Variants in CBLL1 observed in about 807,000 individuals in gnomAD.
CBLL1 encodes the protein Cbl proto-oncogene like 1.
In CBLL1, 4 loss-of-function variants were observed where a neutral mutation model predicts 44.9. The observed-to-expected ratio is 0.09, with a 90% CI of 0.04 to 0.20. The LOEUF (loss-of-function observed/expected upper bound fraction) is 0.20. Among genes scored for constraint, CBLL1 ranks in the 10% least tolerant of loss-of-function variants. The probability of loss-of-function intolerance (pLI) is 1.00; values close to 1 mark genes in which losing one functional copy is unlikely to be tolerated. For missense variants in CBLL1, 569 were observed against 636.7 expected (o/e 0.89, Z 1.14); for synonymous variants, 235 against 202.2 (o/e 1.16, Z -1.38).
chr7:107,755,453 T>C lies in CBLL1; in HGVS notation c.402T>C (p.Ala134=). The C allele has an allele frequency of 6.3e-7, 1 of 1,590,302 alleles. No individual in the cohort carries two copies. Reference sequence around the variant, plus strand: ...AGCATGTTTTTTGCTATGACTGTGCTATTTTACATGAAAAAAAGGGAGATA... The same window carrying C: ...AGCATGTTTTTTGCTATGACTGTGCCATTTTACATGAAAAAAAGGGAGATA... ...PCKHVFCYDC[A]ILHEKKGDKM... Residue 134 remains alanine (A), a synonymous_variant, in exon 5 of 6, where the codon GCT becomes GCC. Coordinates refer to ENST00000440859, the MANE Select transcript of CBLL1 (RefSeq NM_024814.4).
Position 107,755,477 on chromosome 7 carries a change from T to C in CBLL1, c.426T>C (p.Asp142=). ...CTATTTTACATGAAAAAAAGGGAGA[T>C]AAGATGTGTCCAGGGTAAGATAAGA... ...DCAILHEKKG[D]KMCPGCSDPV... Residue 142 remains aspartate, a synonymous_variant, in exon 5 of 6, where the codon GAT becomes GAC. Transcript: ENST00000440859. 1 of 1,577,768 alleles carries C rather than the reference T, an allele frequency of 6.3e-7. No homozygotes were observed. Among genetic ancestry groups the C allele is most frequent in the South Asian group, 1.1e-5 (1 of 87,102 alleles).
rs1562869178 is a variant in CBLL1, at chr7:107,761,027, G to A, written c.*1849G>A. On this transcript the variant is annotated 3_prime_UTR_variant, in exon 6 of 6. Transcript: ENST00000440859. ...ATGGGAGTGATAGTGTGAAATGGTG[G>A]TGAGTGCTTCTATCATATTACTGTA... 1 of 152,226 alleles carries A rather than the reference G, an allele frequency of 6.6e-6. No individual in the cohort carries two copies. Among genetic ancestry groups the A allele is most frequent in the Non-Finnish European group, 1.5e-5 (1 of 67,922 alleles). 9.4% of individuals were successfully genotyped at this position (152,226 alleles called of 1,614,324 possible). A position where few individuals can be genotyped will look rare whatever the true frequency, so the allele number is the denominator to read the frequency against.
intron 4 of CBLL1, 34 bp from the exon 5 acceptor site, chr7:107,755,384 A>G (rs1038813116): frequency 8.0e-7 from 1 of 1,248,750 alleles, no homozygotes; most frequent in Non-Finnish European, 1.1e-6. Flanking sequence ...TATAAGTTCT[A>G]ATATGCTTAA....
In CBLL1 at chr7:107,758,789, G is replaced by C; in HGVS notation, c.1087G>C (p.Gly363Arg). ...AATGCCACATCCTCCCCAGGCTGCA[G>C]GTACTCCTCACTTGGTATATAGCCA... The part of the protein sequence containing the change: ...HPMPHPPQAA[G>R]TPHLVYSQAP... The change falls in exon 6 of 6, where the codon GGT becomes CGT. Residue 363 changes from glycine (G) to arginine (R), a missense_variant. Physicochemically the swap from Gly to Arg is moderately radical, Grantham distance 125. This residue lies in a region of CBLL1 where 228 missense variants were observed against 253.2 expected (regional missense o/e 0.90). Transcript: ENST00000440859. This position sits in a 1 kb window ranked among gnomAD's most constrained non-coding sequence, Gnocchi z 4.2. 6.2e-7 allele frequency: 1 copy of C among 1,613,196 alleles called. No individual in the cohort carries two copies. Among genetic ancestry groups the C allele is most frequent in the Non-Finnish European group, 8.5e-7 (1 of 1,179,746 alleles).
At chr7:107,748,000 G>T (rs1257527027) in intron 1 of CBLL1, among the ~76,000 whole-genome samples, 1 of 152,112 alleles carries the variant, frequency 6.6e-6, no homozygotes, top group Non-Finnish European at 1.5e-5. Flanking sequence ...AGTAGGTCAA[G>T]TTAAATATTT....
In CBLL1 at chr7:107,753,411, A is replaced by G. The variant is rs201049549; in HGVS notation, c.182A>G (p.Glu61Gly). ...ATGGGCAATACTTTTTTTTTCTCAG[A>G]AGGATTTGATTATAATGAAGAAGAA... ...MPAKAPPGDEEGFDYNEEERY... is the reference protein window; with the variant it reads ...MPAKAPPGDEGGFDYNEEERY... The change falls in exon 3 of 6, where the codon GAA becomes GGA. Residue 61 changes from glutamate to glycine, a missense_variant and splice_region_variant. This residue lies in a region of CBLL1 where 209 missense variants were observed against 202.8 expected (regional missense o/e 1.03). Transcript: ENST00000440859. 7.0e-5 allele frequency: 109 copies of G among 1,559,954 alleles called. 1 individual carries two copies. The East Asian group carries it at 2.6e-3, about 37-fold the overall frequency.
In CBLL1 at chr7:107,751,284, G is replaced by T. The variant is rs548982920; in HGVS notation, c.182-2127G>T. On this transcript the variant is annotated intron_variant, in intron 2 of 5. Coordinates refer to ENST00000440859, the MANE Select transcript of CBLL1 (RefSeq NM_024814.4). ...AATGAGGCTGCTGATCTGACGGGAGGCGGAGGCAGAGGTCAAGTGGTAATG... is the reference window on the plus strand; with the variant it reads ...AATGAGGCTGCTGATCTGACGGGAGTCGGAGGCAGAGGTCAAGTGGTAATG... Among the ~76,000 whole-genome samples the T allele has an allele frequency of 1.5e-4, 23 of 152,316 alleles. No homozygotes were observed. In the South Asian group the frequency reaches 4.8e-3, roughly 32 times the overall value.
In CBLL1 at chr7:107,755,443, A is replaced by G. The variant is rs773864028; in HGVS notation, c.392A>G (p.Tyr131Cys). ...RMIPCKHVFC[Y>C]DCAILHEKKG... ...ATTCCATGCAAGCATGTTTTTTGCT[A>G]TGACTGTGCTATTTTACATGAAAAA... Residue 131 changes from tyrosine to cysteine, a missense_variant, in exon 5 of 6, where the codon TAT becomes TGT. Coordinates refer to ENST00000440859, the MANE Select transcript of CBLL1 (RefSeq NM_024814.4). 1.9e-6 allele frequency: 3 copies of G among 1,585,330 alleles called. No homozygotes were observed. Among genetic ancestry groups the G allele is most frequent in the African/African-American group, 2.7e-5 (2 of 73,320 alleles).
chr7:107,755,530 G>C (rs1255889042), intron 5 of CBLL1, 39 bp downstream of exon 5: 3 of 1,192,478 alleles, frequency 2.5e-6, no homozygotes, highest in Non-Finnish European at 2.4e-6. Context: ...AAATAATAAA[G>C]TTTTAGTGCA....
intron 1 of CBLL1, chr7:107,744,423 A>G: frequency 4.5e-6 from 2 of 443,526 alleles, no homozygotes; most frequent in African/African-American, 2.0e-5. Flanking sequence ...CTGAGCTCCG[A>G]GCCCGGACCA....
At chr7:107,746,894 A>G (rs2115586694) in intron 1 of CBLL1, among the ~76,000 whole-genome samples, 1 of 150,502 alleles carries the variant, frequency 6.6e-6, no homozygotes, top group South Asian at 2.1e-4. Context: ...ATTTTGTAAA[A>G]TATTTATTGG....
intron 1 of CBLL1, among the ~76,000 whole-genome samples, chr7:107,745,418 G>A (rs1481788785): frequency 6.6e-6 from 1 of 152,216 alleles, no homozygotes; most frequent in Non-Finnish European, 1.5e-5. Context: ...AGTGAAGTCA[G>A]CTGCAGCCTC....
In CBLL1 at chr7:107,760,490, C is replaced by T. The variant is rs553200841; in HGVS notation, c.*1312C>T. ...TTTCAGTGCTTTACATGGTGCCTTT[C>T]GAGTCAGCTTTTACATTATAGGGGC... On this transcript the variant is annotated 3_prime_UTR_variant, in exon 6 of 6. Coordinates refer to ENST00000440859, the MANE Select transcript of CBLL1 (RefSeq NM_024814.4). The T allele has an allele frequency of 1.9e-4, 29 of 152,248 alleles. No homozygotes were observed. Among genetic ancestry groups the T allele is most frequent in the Non-Finnish European group, 4.0e-4 (27 of 67,922 alleles). 9.4% of individuals were successfully genotyped at this position (152,248 alleles called of 1,614,324 possible). A position where few individuals can be genotyped will look rare whatever the true frequency, so the allele number is the denominator to read the frequency against.
intron 4 of CBLL1, 22 bp downstream of exon 4, chr7:107,754,000 T>C: frequency 6.9e-7 from 1 of 1,446,496 alleles, no homozygotes; most frequent in Non-Finnish European, 9.5e-7. Context: ...TAAATATTGT[T>C]TTTGTAAGTA....
intron 2 of CBLL1, among the ~76,000 whole-genome samples, chr7:107,749,519 C>T (rs1793175937): frequency 6.6e-6 from 1 of 150,624 alleles, no homozygotes; most frequent in Admixed American, 6.6e-5. Context: ...TTTTCTGTTA[C>T]AAAAAACATT....
intron 1 of CBLL1, among the ~76,000 whole-genome samples, chr7:107,746,308 A>G (rs1224788707): frequency 6.6e-6 from 1 of 152,084 alleles, no homozygotes; most frequent in Admixed American, 6.5e-5. Flanking sequence ...AGGAAGTAAA[A>G]CTCATCTTAA....
At chr7:107,752,711 A>G (rs1035338938) in intron 2 of CBLL1, 7 of 495,310 alleles carry the variant, frequency 1.4e-5, no homozygotes, top group Non-Finnish European at 2.2e-5. Context: ...CTTTTTAATT[A>G]GGCCAGAGAA....
Position 107,751,019 on chromosome 7 carries a change from T to C in CBLL1, c.181+1972T>C, listed in dbSNP as rs145669447. Among the ~76,000 whole-genome samples, 7 of 152,216 alleles carry C rather than the reference T, an allele frequency of 4.6e-5. No homozygotes were observed. The East Asian group carries it at 1.4e-3, about 29-fold the overall frequency. On this transcript the variant is annotated intron_variant, in intron 2 of 5. Coordinates refer to ENST00000440859, the MANE Select transcript of CBLL1 (RefSeq NM_024814.4). ...CCTCGAAACATTGTCCCAACTCTTT[T>C]CCTTGCTGAATAGGGATTTTACTGT...
At chr7:107,749,905 A>G (rs562130614) in intron 2 of CBLL1, among the ~76,000 whole-genome samples, 1 of 151,176 alleles carries the variant, frequency 6.6e-6, no homozygotes, top group Non-Finnish European at 1.5e-5. Context: ...GGTTTTTGTT[A>G]TATGTTATGT....
Sources: allele counts gnomAD v4.1 joint callset (sites outside exome capture counted in the v4.1 genomes callset), GRCh38; gene constraint gnomAD v4.1.1; regional missense constraint gnomAD v4.1.1; non-coding constraint Gnocchi (gnomAD v3.1); transcripts MANE v1.5; gene names NCBI Gene and HGNC (gene_info 2026-07-23, HGNC 2026-07-21).